The following CERS6 variants were observed in gnomAD, a reference collection of about 807,000 sequenced individuals.
CERS6 encodes LAG1 homolog, ceramide synthase 6.
A neutral mutation model predicts 56.8 loss-of-function variants in CERS6; 26 were observed. The ratio of observed to expected loss-of-function variants is 0.46; its 90% confidence interval spans 0.34 to 0.63. The LOEUF (loss-of-function observed/expected upper bound fraction) is 0.63, where lower values mean the gene tolerates loss of function less well. Ranked by LOEUF, CERS6 falls within the 30% of genes least tolerant of loss-of-function variation. The pLI, the probability that CERS6 is intolerant of heterozygous loss-of-function variation, is 0.01. For missense variants in CERS6, 415 were observed against 467.5 expected (o/e 0.89, Z 1.04); for synonymous variants, 164 against 173.3 (o/e 0.95, Z 0.42).
chr2:168,640,228 C>T (rs985336804), intron 4 of CERS6, among the ~76,000 whole-genome samples: 3 of 152,030 alleles, frequency 2.0e-5, no homozygotes, highest in East Asian at 1.9e-4. Context: ...ATTTCTGTGC[C>T]CTTAGGACCG....
chr2:168,748,831 T>TGGGGGGGGGGG (rs72341847), intron 8 of CERS6, among the ~76,000 whole-genome samples: 1 of 89,422 alleles, frequency 1.1e-5, no homozygotes. Flanking sequence ...TGGTTGGGGG[T>TGGGGGGGGGGG]GGGGGGGGGG....
intron 8 of CERS6, among the ~76,000 whole-genome samples, chr2:168,760,738 G>GTTTATTTATTTATTTA (rs80269147): frequency 1.3e-3 from 165 of 129,336 alleles, no homozygotes; most frequent in African/African-American, 4.0e-3. Context: ...TTTACTGTTT[G>GTTTATTTATTTATTTA]TTTATTTATT....
intron 4 of CERS6, among the ~76,000 whole-genome samples, chr2:168,672,546 A>G (rs1685948160): frequency 6.6e-6 from 1 of 152,244 alleles, no homozygotes; most frequent in Non-Finnish European, 1.5e-5. Flanking sequence ...CTTCATAGAT[A>G]TAGGTTGGTC....
chr2:168,531,291 CTT>C (rs1695162309), intron 1 of CERS6, among the ~76,000 whole-genome samples: 1 of 152,118 alleles, frequency 6.6e-6, no homozygotes, highest in African/African-American at 2.4e-5. Context: ...AAATAGGACA[CTT>C]AGGGAAGATT....
chr2:168,734,527 T>C (rs187171481), intron 8 of CERS6, among the ~76,000 whole-genome samples: 5 of 152,236 alleles, frequency 3.3e-5, no homozygotes, highest in African/African-American at 1.2e-4. Flanking sequence ...AACGAATCCA[T>C]CAGGAACAAA....
At chr2:168,686,473 A>C (rs1307186124) in intron 4 of CERS6, among the ~76,000 whole-genome samples, 1 of 149,936 alleles carries the variant, frequency 6.7e-6, no homozygotes, top group Non-Finnish European at 1.5e-5. Flanking sequence ...AAAATTAAGG[A>C]AGGAAGCCTA....
At chr2:168,661,066 C>G (rs1019655458) in intron 4 of CERS6, among the ~76,000 whole-genome samples, 1 of 151,948 alleles carries the variant, frequency 6.6e-6, no homozygotes, top group Non-Finnish European at 1.5e-5. Flanking sequence ...GGGGGTGGGG[C>G]AGTTCATACA....
intron 3 of CERS6, among the ~76,000 whole-genome samples, chr2:168,622,877 G>T (rs1684506186): frequency 6.6e-6 from 1 of 152,108 alleles, no homozygotes; most frequent in African/African-American, 2.4e-5. Context: ...TATTTCTTTG[G>T]ACATTAGTTT....
intron 8 of CERS6, among the ~76,000 whole-genome samples, chr2:168,764,504 A>T (rs1684675181): frequency 6.6e-6 from 1 of 152,162 alleles, no homozygotes; most frequent in African/African-American, 2.4e-5. Context: ...TCAAGGCATC[A>T]TCAAAATGAT....
chr2:168,585,554 G>T (rs1250668944), intron 3 of CERS6, among the ~76,000 whole-genome samples: 1 of 152,224 alleles, frequency 6.6e-6, no homozygotes, highest in Admixed American at 6.5e-5. Context: ...GTACAACATA[G>T]GTGGAAGGCA....
intron 1 of CERS6, among the ~76,000 whole-genome samples, chr2:168,511,228 T>C (rs1694782208): frequency 6.6e-6 from 1 of 152,240 alleles, no homozygotes. Flanking sequence ...GATTTAATTC[T>C]ACATTTTGTT....
chr2:168,658,543 A>G (rs1002810932), intron 4 of CERS6, among the ~76,000 whole-genome samples: 2 of 152,230 alleles, frequency 1.3e-5, no homozygotes, highest in Non-Finnish European at 2.9e-5. Flanking sequence ...GCCAGCAAAG[A>G]CCATAGTCAT....
chr2:168,491,802 G>GTGA (rs201003674), intron 1 of CERS6, among the ~76,000 whole-genome samples: 11,786 of 152,022 alleles, frequency 0.078, 505 homozygotes, highest in East Asian at 0.18. Context: ...GGCCCAGTGT[G>GTGA]TGTTTCCCTC....
At chr2:168,674,245 A>G (rs1470003601) in intron 4 of CERS6, among the ~76,000 whole-genome samples, 2 of 152,240 alleles carry the variant, frequency 1.3e-5, no homozygotes, top group Non-Finnish European at 2.9e-5. Context: ...TTTTTAGAAT[A>G]GTTAGACCTT....
intron 8 of CERS6, among the ~76,000 whole-genome samples, chr2:168,761,760 CTTG>C: frequency 6.6e-6 from 1 of 152,222 alleles, no homozygotes; most frequent in East Asian, 1.9e-4. Context: ...AGAGTTGAGC[CTTG>C]TTGTCCCCCT....
chr2:168,736,582 A>G (rs1683724169), intron 8 of CERS6, among the ~76,000 whole-genome samples: 1 of 152,218 alleles, frequency 6.6e-6, no homozygotes. Flanking sequence ...CTCCTGCCTC[A>G]GCCTCCAGTG....
intron 6 of CERS6, among the ~76,000 whole-genome samples, chr2:168,700,457 G>A (rs1048893865): frequency 6.6e-6 from 1 of 152,084 alleles, no homozygotes; most frequent in Non-Finnish European, 1.5e-5. Flanking sequence ...AAGTCAAAAA[G>A]CACCTACCAT....
intron 1 of CERS6, among the ~76,000 whole-genome samples, chr2:168,471,115 T>C (rs1052531968): frequency 6.6e-6 from 1 of 152,220 alleles, no homozygotes; most frequent in Non-Finnish European, 1.5e-5. Context: ...TTTAGGACCA[T>C]GGCTTACCGC....
At chr2:168,469,514 A>G (rs1693939732) in intron 1 of CERS6, among the ~76,000 whole-genome samples, 1 of 152,174 alleles carries the variant, frequency 6.6e-6, no homozygotes, top group South Asian at 2.1e-4. Context: ...TTTCTACTGA[A>G]AATGGAAATT....
Sources: gnomAD v4.1 joint callset for allele counts (sites outside exome capture counted in the v4.1 genomes callset) on GRCh38, gnomAD v4.1.1 for gene constraint, MANE v1.5 for transcripts, NCBI Gene and HGNC (gene_info 2026-07-23, HGNC 2026-07-21) for gene names.